The following ALPK1 variants were observed in gnomAD, a reference collection of about 807,000 sequenced individuals.
ALPK1 encodes alpha kinase 1.
Under a neutral mutation model 120.6 loss-of-function variants are expected in ALPK1, and 110 were observed. The ratio of observed to expected loss-of-function variants is 0.91; its 90% CI spans 0.78 to 1.07. The LOEUF (loss-of-function observed/expected upper bound fraction) is 1.07. Ranked by LOEUF, ALPK1 falls within the 50% of genes least tolerant of loss-of-function variation. The pLI, the probability that ALPK1 is intolerant of heterozygous loss-of-function variation, is 0.00. For synonymous variants in ALPK1, 582 were observed against 560.3 expected, an observed-to-expected ratio of 1.04 and a Z score of -0.55; for missense variants, 1,498 against 1,483.9, an observed-to-expected ratio of 1.01 and a Z score of -0.16.
chr4:112,350,881 A>T (rs1214116443), intron 2 of ALPK1, among the ~76,000 whole-genome samples: 1 of 152,140 alleles, frequency 6.6e-6, no homozygotes, highest in East Asian at 1.9e-4. Context: ...TAGTATCATG[A>T]TAGTTCTGGA....
At position 112,423,614 on chromosome 4, in the gene ALPK1, T is replaced by C. The variant is rs1734097491; in HGVS notation, c.476-330T>C. On this transcript the variant is annotated intron_variant, in intron 5 of 15. Transcript: ENST00000650871. ...CAACTCTATTCCACTTCCTGAAGTA[T>C]AGTTTTCACAGGGAGGCGGCACAGC... 5 of 437,458 alleles carry C rather than the reference T, an allele frequency of 1.1e-5. 1 individual carries two copies. In the Middle Eastern group the frequency reaches 1.7e-3, roughly 146 times the overall value. The allele number at this position is 437,458 out of a possible 1,614,324, so 27.1% of individuals were successfully genotyped here.
At chr4:112,324,464 G>GTTTGT (rs780738279) in intron 2 of ALPK1, among the ~76,000 whole-genome samples, 8 of 151,766 alleles carry the variant, frequency 5.3e-5, no homozygotes, top group Admixed American at 2.0e-4. Flanking sequence ...TTGTTTGTTT[G>GTTTGT]TTTGTTTTGT....
intron 5 of ALPK1, among the ~76,000 whole-genome samples, chr4:112,413,838 GAATA>G (rs1478389995): frequency 1.3e-5 from 2 of 152,224 alleles, no homozygotes; most frequent in African/African-American, 4.8e-5. Context: ...TGATCATGAT[GAATA>G]GGATGCTCCT....
intron 2 of ALPK1, among the ~76,000 whole-genome samples, chr4:112,337,127 A>C (rs971569734): frequency 1.6e-4 from 24 of 152,202 alleles, no homozygotes; most frequent in Middle Eastern, 3.4e-3. Flanking sequence ...AAGCCACTTT[A>C]CTGACTTTTT....
At chr4:112,330,683 C>CTTATGTCTCTATGCCTT (rs1326750576) in intron 2 of ALPK1, among the ~76,000 whole-genome samples, 1 of 152,110 alleles carries the variant, frequency 6.6e-6, no homozygotes, top group African/African-American at 2.4e-5. Flanking sequence ...TTCTCTATAC[C>CTTATGTCTCTATGCCTT]AGTACCCATG....
chr4:112,381,311 A>G (rs111998399), intron 3 of ALPK1, among the ~76,000 whole-genome samples: 8 of 152,316 alleles, frequency 5.3e-5, no homozygotes, highest in African/African-American at 1.9e-4. Context: ...AACTTAGTAA[A>G]TGGTGGTGCC....
intron 2 of ALPK1, chr4:112,343,723 T>C (rs1221415843): frequency 6.6e-6 from 1 of 152,166 alleles, no homozygotes; most frequent in African/African-American, 2.4e-5. Context: ...GGTTGTGCTG[T>C]GGCCTCCCAA....
At position 112,424,014 on chromosome 4, in the gene ALPK1, T is replaced by G. The variant is rs1734120815; in HGVS notation, c.535+11T>G. 6.2e-7 allele frequency: 1 copy of G among 1,612,610 alleles called. No individual in the cohort carries two copies. The highest frequency in any genetic ancestry group is 1.3e-5 in the African/African-American group (1 of 74,896). ...ACAATGGAGCAACGGGTGAGTACTT[T>G]CATATCTTCACAATGACTTTTACCT... is the stretch of plus-strand genomic sequence containing the variant. On this transcript the variant is annotated intron_variant, in intron 6 of 15. Transcript: ENST00000650871.
At chr4:112,350,649 A>G (rs747582498) in intron 2 of ALPK1, among the ~76,000 whole-genome samples, 1 of 152,304 alleles carries the variant, frequency 6.6e-6, no homozygotes, top group South Asian at 2.1e-4. Context: ...AAGCAAAGTG[A>G]TCATGCGTTT....
In ALPK1 at chr4:112,432,254, G is replaced by A. The variant is rs369974578; in HGVS notation, c.2707G>A (p.Glu903Lys). ...SGNILFPVLS[E>K]DCTTTEEGNQ... is the part of the protein sequence containing the mutation. ...TAACATCCTCTTCCCTGTCCTCAGC[G>A]AGGACTGCACTACCACAGAGGAAGG... The change falls in exon 11 of 16, where the codon GAG becomes AAG. Residue 903 changes from glutamate to lysine, a missense_variant. By Grantham distance (56) the Glu-to-Lys change is moderately conservative. Coordinates refer to ENST00000650871, the MANE Select transcript of ALPK1 (RefSeq NM_025144.4). The A allele has an allele frequency of 6.0e-5, 97 of 1,614,060 alleles. No individual in the cohort carries two copies. The highest frequency in any genetic ancestry group is 1.5e-4 in the African/African-American group (11 of 74,912).
chr4:112,327,160 A>C (rs965035693), intron 2 of ALPK1, among the ~76,000 whole-genome samples: 33 of 152,306 alleles, frequency 2.2e-4, no homozygotes, highest in African/African-American at 7.2e-4. Context: ...CAGTGTGGTG[A>C]ATTTGTTCAC....
chr4:112,323,836 T>C (rs1728970322), intron 2 of ALPK1, among the ~76,000 whole-genome samples: 1 of 152,162 alleles, frequency 6.6e-6, no homozygotes, highest in Non-Finnish European at 1.5e-5. Context: ...ATGAAACTCC[T>C]GAGACAGAGA....
intron 5 of ALPK1, among the ~76,000 whole-genome samples, chr4:112,413,123 A>G (rs1380886404): frequency 6.6e-6 from 1 of 152,226 alleles, no homozygotes; most frequent in Non-Finnish European, 1.5e-5. Flanking sequence ...GATGTAATTT[A>G]TAATGTGTGG....
chr4:112,423,354 G>C (rs1218856816), intron 5 of ALPK1, among the ~76,000 whole-genome samples: 1 of 152,196 alleles, frequency 6.6e-6, no homozygotes, highest in Non-Finnish European at 1.5e-5. Flanking sequence ...GGAATAAGTA[G>C]TTAGAGGTGA....
At chr4:112,356,521 A>C in intron 2 of ALPK1, 1 of 860,142 alleles carries the variant, frequency 1.2e-6, no homozygotes, top group Non-Finnish European at 2.0e-6. Flanking sequence ...AACACCTCCT[A>C]CCGGCCTGAG....
intron 4 of ALPK1, chr4:112,383,278 T>C (rs928467706): frequency 6.7e-6 from 1 of 150,146 alleles, no homozygotes; most frequent in Non-Finnish European, 1.5e-5. Context: ...GAAGAAAGCT[T>C]GCTAATTTAT....
chr4:112,401,338 T>C (rs1732905933), intron 4 of ALPK1, among the ~76,000 whole-genome samples: 1 of 152,206 alleles, frequency 6.6e-6, no homozygotes, highest in Non-Finnish European at 1.5e-5. Flanking sequence ...GTGAATTGTA[T>C]GGGTGTCCCA....
intron 4 of ALPK1, among the ~76,000 whole-genome samples, chr4:112,403,008 G>A (rs538817630): frequency 6.6e-6 from 1 of 152,180 alleles, no homozygotes; most frequent in South Asian, 2.1e-4. Context: ...GTAATCAGTG[G>A]GTTAGGGTTT....
chr4:112,423,415 A>G (rs1212154863), intron 5 of ALPK1, among the ~76,000 whole-genome samples: 2 of 152,196 alleles, frequency 1.3e-5, no homozygotes, highest in Non-Finnish European at 2.9e-5. Context: ...AGGAACCTAG[A>G]GAAAGGAATG....
Sources: allele counts gnomAD v4.1 joint callset (sites outside exome capture counted in the v4.1 genomes callset), GRCh38; gene constraint gnomAD v4.1.1; transcripts MANE v1.5; gene names NCBI Gene and HGNC (gene_info 2026-07-23, HGNC 2026-07-21).